The following WDPCP variants were observed in gnomAD, a reference collection of about 807,000 sequenced individuals.
WDPCP encodes WD repeat containing planar cell polarity effector.
WDPCP carries 71 observed loss-of-function variants against 93.1 expected under a neutral mutation model. The observed-to-expected ratio is 0.76, with a 90% CI of 0.63 to 0.93. The LOEUF is 0.93. WDPCP is among the 40% of genes least tolerant of loss of function. The pLI is 0.00. For missense variants in WDPCP, 844 were observed against 887.4 expected (o/e 0.95, Z 0.62); for synonymous variants, 315 against 315.0 (o/e 1.00, Z 0.00).
chr2:63,381,403 A>C (rs1183160722), intron 11 of WDPCP, among the ~76,000 whole-genome samples: 1 of 152,100 alleles, frequency 6.6e-6, no homozygotes, highest in Non-Finnish European at 1.5e-5. Context: ...TACAACTATA[A>C]GTCAGAATAA....
intron 3 of WDPCP, chr2:63,642,609 G>C (rs1163074196): frequency 6.6e-6 from 1 of 151,916 alleles, no homozygotes; most frequent in Non-Finnish European, 1.5e-5. Context: ...ATTGCTTGCT[G>C]TTAACATACA....
At chr2:63,743,456 T>G (rs554121047) in intron 2 of WDPCP, among the ~76,000 whole-genome samples, 13 of 152,260 alleles carry the variant, frequency 8.5e-5, no homozygotes, top group African/African-American at 3.1e-4. Flanking sequence ...ATCTAAACTT[T>G]AGATTCCAAA....
At chr2:63,179,796 TTG>T (rs1674098299) in intron 14 of WDPCP, among the ~76,000 whole-genome samples, 1 of 152,190 alleles carries the variant, frequency 6.6e-6, no homozygotes, top group African/African-American at 2.4e-5. Flanking sequence ...TTTCATGTAT[TTG>T]TGGATTTTCC....
In WDPCP at chr2:63,304,664, T is replaced by C. The variant is rs549270507; in HGVS notation, c.1812+8584A>G. Among the ~76,000 whole-genome samples, 5 of 152,310 alleles carry C rather than the reference T, an allele frequency of 3.3e-5. No individual in the cohort carries two copies. In the East Asian group the frequency reaches 5.8e-4, roughly 18 times the overall value. Reference sequence around the variant, plus strand: ...GGGCCCTGGGTTTCAAGCACAAAACTTGGTGGCTGTTTGGGAAGACACCGA... The same window carrying C: ...GGGCCCTGGGTTTCAAGCACAAAACCTGGTGGCTGTTTGGGAAGACACCGA... On this transcript the variant is annotated intron_variant, in intron 13 of 17. Transcript: ENST00000272321.
intron 6 of WDPCP, chr2:63,440,514 C>G (rs1252056056): frequency 1.3e-5 from 2 of 152,228 alleles, no homozygotes; most frequent in African/African-American, 4.8e-5. Flanking sequence ...CAGGCTTTAT[C>G]AATGTCAGTG....
intron 2 of WDPCP, among the ~76,000 whole-genome samples, chr2:63,672,901 G>T (rs1710361808): frequency 6.6e-6 from 1 of 151,994 alleles, no homozygotes; most frequent in Non-Finnish European, 1.5e-5. Flanking sequence ...GTGCCGCCAT[G>T]CCAGGCTAAT....
intron 2 of WDPCP, among the ~76,000 whole-genome samples, chr2:63,708,989 G>T (rs1281048151): frequency 2.0e-5 from 3 of 150,062 alleles, no homozygotes; most frequent in Non-Finnish European, 4.4e-5. Context: ...GGGAGGCCGA[G>T]GGGGGTGGAT....
chr2:63,590,484 C>G (rs1016530238), upstream of WDPCP: 1 of 152,142 alleles, frequency 6.6e-6, no homozygotes, highest in Non-Finnish European at 1.5e-5. Context: ...AGCTGAGATT[C>G]CGGATGAAGT....
At position 63,505,839 on chromosome 2, in the gene WDPCP, C is replaced by T. The variant is rs191816647; in HGVS notation, c.76-12899G>A. 2.2e-3 allele frequency among the ~76,000 whole-genome samples: 341 copies of T among 152,098 alleles called. 2 individuals carry two copies. Among genetic ancestry groups the T allele is most frequent in the Middle Eastern group, 0.02 (6 of 294 alleles). On this transcript the variant is annotated intron_variant, in intron 1 of 17. Transcript: ENST00000272321. Reference sequence around the variant, plus strand: ...TGAGTGGCACCATGCTAGGCATTCACAATATGAAGTTAACAAACCAAAGAA... The same window carrying T: ...TGAGTGGCACCATGCTAGGCATTCATAATATGAAGTTAACAAACCAAAGAA...
At chr2:63,562,382 G>A (rs1028491974) in intron 1 of WDPCP, among the ~76,000 whole-genome samples, 1 of 152,184 alleles carries the variant, frequency 6.6e-6, no homozygotes, top group East Asian at 1.9e-4. Flanking sequence ...GGGGGTTGTG[G>A]TGGGAGGGAG....
At chr2:63,681,254 C>T (rs147194537) in intron 2 of WDPCP, among the ~76,000 whole-genome samples, 459 of 152,288 alleles carry the variant, frequency 3.0e-3, no homozygotes, top group African/African-American at 0.01. Flanking sequence ...TTCCCAGTTC[C>T]AGGACTTGTC....
chr2:63,726,706 T>C (rs1382869434), intron 2 of WDPCP, among the ~76,000 whole-genome samples: 1 of 152,226 alleles, frequency 6.6e-6, no homozygotes, highest in African/African-American at 2.4e-5. Context: ...TTGTGTTGTC[T>C]CTAATTTCTT....
intron 3 of WDPCP, among the ~76,000 whole-genome samples, chr2:63,621,824 T>G (rs2106633942): frequency 6.6e-6 from 1 of 152,072 alleles, no homozygotes; most frequent in South Asian, 2.1e-4. Flanking sequence ...CCAGTGGATC[T>G]GCTTGCAGAA....
chr2:63,743,827 TA>T (rs1345495248), intron 2 of WDPCP, among the ~76,000 whole-genome samples: 2 of 152,162 alleles, frequency 1.3e-5, no homozygotes, highest in Non-Finnish European at 2.9e-5. Context: ...AAATTATGTT[TA>T]AAAAATTTAT....
At chr2:63,482,976 T>C (rs949383360) in intron 6 of WDPCP, among the ~76,000 whole-genome samples, 1 of 152,012 alleles carries the variant, frequency 6.6e-6, no homozygotes, top group African/African-American at 2.4e-5. Context: ...ATTCCCTTTC[T>C]GAGTTGAATT....
intron 11 of WDPCP, among the ~76,000 whole-genome samples, chr2:63,380,121 G>C (rs1428822515): frequency 6.6e-6 from 1 of 151,856 alleles, no homozygotes; most frequent in Non-Finnish European, 1.5e-5. Flanking sequence ...GTGTGCTGAG[G>C]GTCAATATTT....
intron 3 of WDPCP, among the ~76,000 whole-genome samples, chr2:63,638,795 A>C (rs1346347977): frequency 6.8e-6 from 1 of 147,436 alleles, no homozygotes; most frequent in African/African-American, 2.6e-5. Flanking sequence ...TCTCGAAAAA[A>C]AGAAAAAAAA....
intron 14 of WDPCP, among the ~76,000 whole-genome samples, chr2:63,231,140 C>T (rs1266710975): frequency 6.6e-6 from 1 of 151,808 alleles, no homozygotes; most frequent in Non-Finnish European, 1.5e-5. Context: ...GAACCAAAGA[C>T]AAAAACCACA....
intron 2 of WDPCP, among the ~76,000 whole-genome samples, chr2:63,781,965 A>G (rs955801379): frequency 1.3e-5 from 2 of 150,788 alleles, no homozygotes; most frequent in African/African-American, 4.9e-5. Context: ...GAGCAATGAC[A>G]TTCCCTCAGG....
Sources: gnomAD v4.1 joint callset for allele counts (sites outside exome capture counted in the v4.1 genomes callset) on GRCh38, gnomAD v4.1.1 for gene constraint, MANE v1.5 for transcripts, NCBI Gene and HGNC (gene_info 2026-07-23, HGNC 2026-07-21) for gene names.